The following GNAQ variants were observed in gnomAD, a reference collection of about 807,000 sequenced individuals.
GNAQ encodes guanine nucleotide-binding protein G(q) subunit alpha.
A neutral mutation model predicts 43.9 loss-of-function variants in GNAQ; 8 were observed. The observed-to-expected ratio is 0.18, with a 90% CI of 0.11 to 0.33. The LOEUF (loss-of-function observed/expected upper bound fraction) is 0.33, where lower values mean the gene tolerates loss of function less well. Ranked by LOEUF, GNAQ falls within the 10% of genes least tolerant of loss-of-function variation. The pLI, the probability that GNAQ is intolerant of heterozygous loss-of-function variation, is 1.00. For missense variants in GNAQ, 158 were observed against 450.8 expected (o/e 0.35, Z 5.88); for synonymous variants, 155 against 170.7 (o/e 0.91, Z 0.71).
chr9:77,798,695 T>G (rs1826697447), intron 3 of GNAQ, among the ~76,000 whole-genome samples: 1 of 152,196 alleles, frequency 6.6e-6, no homozygotes, highest in Non-Finnish European at 1.5e-5. Flanking sequence ...AAATCAACCC[T>G]AGGTTACTTA....
At chr9:77,785,142 C>T (rs1379703501) in intron 5 of GNAQ, among the ~76,000 whole-genome samples, 1 of 152,164 alleles carries the variant, frequency 6.6e-6, no homozygotes, top group Non-Finnish European at 1.5e-5. Flanking sequence ...GAGATGAAAT[C>T]ATCTTAGATT....
intron 1 of GNAQ, among the ~76,000 whole-genome samples, chr9:77,967,271 C>T (rs760080137): frequency 6.6e-6 from 1 of 152,144 alleles, no homozygotes; most frequent in Non-Finnish European, 1.5e-5. Context: ...TCAGTTCCCT[C>T]GGTCAGATCC....
intron 1 of GNAQ, among the ~76,000 whole-genome samples, chr9:77,967,773 A>C (rs1028280265): frequency 6.6e-6 from 1 of 152,180 alleles, no homozygotes; most frequent in African/African-American, 2.4e-5. Flanking sequence ...TGAGGTCAGC[A>C]GTTCGAAACC....
At chr9:77,809,742 T>G (rs1006042804) in intron 3 of GNAQ, among the ~76,000 whole-genome samples, 1 of 152,220 alleles carries the variant, frequency 6.6e-6, no homozygotes, top group African/African-American at 2.4e-5. Flanking sequence ...CTTTGAGTCA[T>G]CTGATTACTT....
intron 2 of GNAQ, among the ~76,000 whole-genome samples, chr9:77,854,443 G>C (rs951596896): frequency 6.6e-6 from 1 of 152,212 alleles, no homozygotes; most frequent in African/African-American, 2.4e-5. Flanking sequence ...CATGGGGCAA[G>C]ACTAAACACA....
intron 1 of GNAQ, among the ~76,000 whole-genome samples, chr9:77,952,949 G>T (rs1202220665): frequency 6.6e-6 from 1 of 151,838 alleles, no homozygotes; most frequent in African/African-American, 2.4e-5. Context: ...ATCAGCAATT[G>T]TTGTTGTTAA....
At chr9:77,749,375 G>A (rs1352507857) in intron 5 of GNAQ, among the ~76,000 whole-genome samples, 2 of 152,116 alleles carry the variant, frequency 1.3e-5, no homozygotes, top group East Asian at 3.9e-4. Flanking sequence ...CCCTTAACCA[G>A]GTGGTAGAAT....
chr9:77,793,585 T>C (rs1001172294), intron 5 of GNAQ, among the ~76,000 whole-genome samples: 2 of 152,118 alleles, frequency 1.3e-5, no homozygotes, highest in African/African-American at 4.8e-5. Flanking sequence ...CGGGGATCTC[T>C]CACTTCCTTC....
intron 5 of GNAQ, among the ~76,000 whole-genome samples, chr9:77,773,787 T>C (rs1443304332): frequency 6.6e-6 from 1 of 152,228 alleles, no homozygotes; most frequent in African/African-American, 2.4e-5. Flanking sequence ...TGAGGCAGAA[T>C]AAGACCTGAA....
intron 1 of GNAQ, among the ~76,000 whole-genome samples, chr9:78,030,345 AC>A (rs1824035035): frequency 6.6e-6 from 1 of 152,112 alleles, no homozygotes; most frequent in Non-Finnish European, 1.5e-5. Flanking sequence ...AATGGTGCAG[AC>A]GAGAATAACG....
chr9:77,774,110 T>C lies in GNAQ; in HGVS notation c.735+20353A>G, dbSNP rs551908953. Among the ~76,000 whole-genome samples the C allele has an allele frequency of 2.0e-5, 3 of 152,296 alleles. No individual in the cohort carries two copies. The South Asian group carries it at 6.2e-4, about 32-fold the overall frequency. On this transcript the variant is annotated intron_variant, in intron 5 of 6. Coordinates refer to ENST00000286548, the MANE Select transcript of GNAQ (RefSeq NM_002072.5). ...TGGCTTTGAGACCACAGCATTTTCA[T>C]TTGATTATCTACATTGTAGAGCATA...
chr9:77,846,850 G>C (rs1486111137), intron 2 of GNAQ, among the ~76,000 whole-genome samples: 2 of 152,094 alleles, frequency 1.3e-5, no homozygotes, highest in South Asian at 2.1e-4. Flanking sequence ...CTATGAGCCA[G>C]ACAAGACAAA....
intron 1 of GNAQ, among the ~76,000 whole-genome samples, chr9:77,937,690 C>T (rs895773490): frequency 2.0e-5 from 3 of 151,960 alleles, no homozygotes; most frequent in African/African-American, 7.3e-5. Flanking sequence ...GTCAGGAGTT[C>T]GAAATCAGTC....
At chr9:77,776,427 A>G (rs1008484702) in intron 5 of GNAQ, among the ~76,000 whole-genome samples, 13 of 152,234 alleles carry the variant, frequency 8.5e-5, no homozygotes, top group Non-Finnish European at 1.3e-4. Flanking sequence ...AGCTAGACTA[A>G]TATCAGACAA....
chr9:77,961,745 T>C (rs1823109792), intron 1 of GNAQ, among the ~76,000 whole-genome samples: 1 of 152,186 alleles, frequency 6.6e-6, no homozygotes, highest in Admixed American at 6.5e-5. Flanking sequence ...GTCCACCACT[T>C]TTCAAAGGAA....
At chr9:77,852,407 A>G (rs762105096) in intron 2 of GNAQ, among the ~76,000 whole-genome samples, 9 of 152,222 alleles carry the variant, frequency 5.9e-5, no homozygotes, top group Non-Finnish European at 1.0e-4. Context: ...GTGCTGGAGT[A>G]TAACTGTTCA....
At chr9:77,734,645 G>T (rs563094732) in intron 5 of GNAQ, among the ~76,000 whole-genome samples, 1 of 152,216 alleles carries the variant, frequency 6.6e-6, no homozygotes, top group Non-Finnish European at 1.5e-5. Context: ...AGAAGGTGTT[G>T]AGTGACCTTG....
intron 1 of GNAQ, among the ~76,000 whole-genome samples, chr9:78,021,269 G>A (rs1564180719): frequency 6.6e-6 from 1 of 151,928 alleles, no homozygotes; most frequent in Non-Finnish European, 1.5e-5. Context: ...CAAGCAATCT[G>A]CCTGCCTTGG....
intron 5 of GNAQ, among the ~76,000 whole-genome samples, chr9:77,780,039 G>A (rs1379781692): frequency 1.3e-5 from 2 of 151,874 alleles, no homozygotes; most frequent in Non-Finnish European, 2.9e-5. Context: ...TGGGTACATA[G>A]TAATATAGCA....
Sources: gnomAD v4.1 joint callset for allele counts (sites outside exome capture counted in the v4.1 genomes callset) on GRCh38, gnomAD v4.1.1 for gene constraint, MANE v1.5 for transcripts, NCBI Gene and HGNC (gene_info 2026-07-23, HGNC 2026-07-21) for gene names.